Variants in ZNF469 observed in about 807,000 individuals in gnomAD.
The protein encoded by ZNF469 is zinc finger protein 469.
In ZNF469, 1 loss-of-function variant was observed where a neutral mutation model predicts 1.0. That is an observed-to-expected ratio of 1.00 (90% CI 0.35 to 4.73). The LOEUF is 4.73. Ranked by LOEUF, ZNF469 falls within the 30% of genes most tolerant of loss-of-function variation. The pLI, the probability that ZNF469 is intolerant of heterozygous loss-of-function variation, is 0.16. For missense variants in ZNF469, 6,100 were observed against 5,356.3 expected, an observed-to-expected ratio of 1.14 and a Z score of -4.33; for synonymous variants, 2,703 against 2,363.4, an observed-to-expected ratio of 1.14 and a Z score of -4.17.
the ZNF469 span, among the ~76,000 whole-genome samples, chr16:88,282,368 G>A: frequency 6.6e-6 from 1 of 152,170 alleles, no homozygotes; most frequent in African/African-American, 2.4e-5. Flanking sequence ...GCAGCCGCCT[G>A]GTGCTGTGTT....
At chr16:88,196,470 C>T in the ZNF469 span, among the ~76,000 whole-genome samples, 142 of 152,334 alleles carry the variant, frequency 9.3e-4, no homozygotes, top group Admixed American at 2.0e-3. Flanking sequence ...ACATGTCCAA[C>T]GTTCAGAATG....
intron 1 of ZNF469, among the ~76,000 whole-genome samples, chr16:88,411,032 G>A (rs960047974): frequency 4.6e-5 from 7 of 152,152 alleles, no homozygotes; most frequent in Admixed American, 6.5e-5. Flanking sequence ...GGCCCTCTCC[G>A]AAGGACACCT....
chr16:88,279,348 T>A, the ZNF469 span, among the ~76,000 whole-genome samples: 1 of 151,552 alleles, frequency 6.6e-6, no homozygotes, highest in Non-Finnish European at 1.5e-5. Flanking sequence ...AGTGCACGGT[T>A]AGTGCTACGC....
rs1166676562 is a variant in ZNF469, at chr16:88,436,404, C to T, written c.8934C>T (p.Cys2978=). ...EAGAEKLPSH[C]PEDDRPEAIP... Reference sequence around the variant, plus strand: ...GTGCAGAGAAGCTGCCCTCCCACTGCCCCGAGGACGATCGGCCGGAGGCCA... The same window carrying T: ...GTGCAGAGAAGCTGCCCTCCCACTGTCCCGAGGACGATCGGCCGGAGGCCA... Residue 2978 remains cysteine (C), a synonymous_variant, in exon 3 of 3, where the codon TGC becomes TGT. Transcript: ENST00000565624. 2.6e-6 allele frequency: 4 copies of T among 1,549,692 alleles called. No individual in the cohort carries two copies. The highest frequency in any genetic ancestry group is 3.5e-6 in the Non-Finnish European group (4 of 1,146,954).
chr16:88,133,870 GA>G, the ZNF469 span, among the ~76,000 whole-genome samples: 16 of 152,290 alleles, frequency 1.1e-4, no homozygotes, highest in African/African-American at 3.8e-4. Flanking sequence ...GAGGCGGGTG[GA>G]TCACCTGAGG....
the ZNF469 span, among the ~76,000 whole-genome samples, chr16:88,338,108 C>A: frequency 6.6e-6 from 1 of 152,190 alleles, no homozygotes; most frequent in African/African-American, 2.4e-5. Context: ...CCCAAGACAT[C>A]CCATGGCCCA....
At chr16:88,158,996 G>T in the ZNF469 span, among the ~76,000 whole-genome samples, 1 of 152,178 alleles carries the variant, frequency 6.6e-6, no homozygotes, top group South Asian at 2.1e-4. Context: ...CCTATGGGGT[G>T]GGTCAGTTTG....
the ZNF469 span, among the ~76,000 whole-genome samples, chr16:88,359,868 G>GTC: frequency 2.0e-5 from 3 of 152,300 alleles, no homozygotes; most frequent in East Asian, 5.8e-4. Flanking sequence ...ACCTTATCAT[G>GTC]TCTCTGTCCA....
At chr16:88,301,648 T>A in the ZNF469 span, among the ~76,000 whole-genome samples, 1 of 152,180 alleles carries the variant, frequency 6.6e-6, no homozygotes, top group African/African-American at 2.4e-5. Context: ...CAGGAGCTGT[T>A]GAGGAGCCTG....
At chr16:88,386,669 C>T (rs184281897) in intron 1 of ZNF469, among the ~76,000 whole-genome samples, 2 of 152,318 alleles carry the variant, frequency 1.3e-5, no homozygotes, top group African/African-American at 2.4e-5. Flanking sequence ...CCACCTACCT[C>T]GAGAGACCAG....
chr16:88,216,329 C>T, the ZNF469 span, among the ~76,000 whole-genome samples: 2 of 151,540 alleles, frequency 1.3e-5, no homozygotes, highest in South Asian at 2.1e-4. Context: ...CCCCGTCTCT[C>T]CTAAAAATAC....
chr16:88,280,050 A>G, the ZNF469 span, among the ~76,000 whole-genome samples: 2 of 150,952 alleles, frequency 1.3e-5, no homozygotes, highest in African/African-American at 4.9e-5. Context: ...ATATCAGTGC[A>G]CGGTTAGTGC....
the ZNF469 span, among the ~76,000 whole-genome samples, chr16:88,112,663 T>C: frequency 6.6e-6 from 1 of 152,116 alleles, no homozygotes; most frequent in Non-Finnish European, 1.5e-5. Context: ...TTTGAGCTCA[T>C]TATATGTTCT....
At chr16:88,269,154 G>A in the ZNF469 span, among the ~76,000 whole-genome samples, 49,082 of 152,048 alleles carry the variant, frequency 0.32, 8,384 homozygotes, top group East Asian at 0.46. Context: ...CACGGCAGGC[G>A]GGAGCTGGGC....
chr16:88,359,678 C>T, the ZNF469 span, among the ~76,000 whole-genome samples: 44 of 152,174 alleles, frequency 2.9e-4, no homozygotes, highest in African/African-American at 1.0e-3. Context: ...GGATACCAGT[C>T]TTTTGTTGGA....
chr16:88,269,690 T>G, the ZNF469 span, among the ~76,000 whole-genome samples: 1 of 152,054 alleles, frequency 6.6e-6, no homozygotes, highest in Non-Finnish European at 1.5e-5. Flanking sequence ...CTGGTTGGTA[T>G]CCTGCTCTCG....
intron 1 of ZNF469, among the ~76,000 whole-genome samples, chr16:88,397,183 C>T (rs917469783): frequency 6.6e-6 from 1 of 152,248 alleles, no homozygotes; most frequent in African/African-American, 2.4e-5. Context: ...AGCAAAAGCA[C>T]CTCTTCCTAT....
intron 1 of ZNF469, among the ~76,000 whole-genome samples, chr16:88,392,143 T>C (rs960545767): frequency 6.6e-6 from 1 of 152,276 alleles, no homozygotes; most frequent in Non-Finnish European, 1.5e-5. Flanking sequence ...AGTATTCTCA[T>C]TCCACCATGT....
At chr16:88,375,091 G>C in the ZNF469 span, among the ~76,000 whole-genome samples, 1,675 of 152,364 alleles carry the variant, frequency 0.011, 29 homozygotes, top group African/African-American at 0.038. Flanking sequence ...AGCAGGCGCA[G>C]GGCAGGGTGG....
Sources: gnomAD v4.1 joint callset for allele counts (sites outside exome capture counted in the v4.1 genomes callset) on GRCh38, gnomAD v4.1.1 for gene constraint, MANE v1.5 for transcripts, NCBI Gene and HGNC (gene_info 2026-07-23, HGNC 2026-07-21) for gene names.